Variants in SHROOM3 observed in about 807,000 individuals in gnomAD.
SHROOM3 encodes the protein protein Shroom3.
A neutral mutation model predicts 138.6 loss-of-function variants in SHROOM3; 47 were observed. The observed-to-expected ratio is 0.34, with a 90% CI of 0.27 to 0.43. The LOEUF is 0.43. SHROOM3 is among the 20% of genes least tolerant of loss of function. The pLI is 1.00. For synonymous variants in SHROOM3, 1,062 were observed against 1,063.3 expected (o/e 1.00, Z 0.02); for missense variants, 2,491 against 2,596.5 (o/e 0.96, Z 0.88).
At chr4:76,729,855 T>G (rs1720824199) in intron 3 of SHROOM3, among the ~76,000 whole-genome samples, 1 of 152,234 alleles carries the variant, frequency 6.6e-6, no homozygotes, top group Admixed American at 6.5e-5. Flanking sequence ...GGTGCATTTT[T>G]AGCTACAAGG....
rs114683891 is a variant in SHROOM3, at chr4:76,446,959, A to G, written c.168+10739A>G. 4.2e-3 allele frequency among the ~76,000 whole-genome samples: 642 copies of G among 152,258 alleles called. 5 individuals carry two copies. Among genetic ancestry groups the G allele is most frequent in the African/African-American group, 0.014 (586 of 41,546 alleles). On this transcript the variant is annotated intron_variant, in intron 1 of 10. Transcript: ENST00000296043. Reference sequence around the variant, plus strand: ...TGTCTGCTCTGGTTTCATGATGGTCACTAGCATTCACTTTCCCTGCAAGGC... The same window carrying G: ...TGTCTGCTCTGGTTTCATGATGGTCGCTAGCATTCACTTTCCCTGCAAGGC...
chr4:76,477,214 C>T lies in SHROOM3; in HGVS notation c.168+40994C>T, dbSNP rs562905455. ...GATCTTCTGACCTCGTGATCCACCCCCCACTCGGCCTCCCAAAGTGCTAGG... is the reference window on the plus strand; with the variant it reads ...GATCTTCTGACCTCGTGATCCACCCTCCACTCGGCCTCCCAAAGTGCTAGG... On this transcript the variant is annotated intron_variant, in intron 1 of 10. Transcript: ENST00000296043. 1.7e-3 allele frequency among the ~76,000 whole-genome samples: 261 copies of T among 152,230 alleles called. 4 individuals are homozygous for T. In the East Asian group the frequency reaches 0.042, roughly 24 times the overall value.
chr4:76,445,696 G>A (rs1730791055), intron 1 of SHROOM3, among the ~76,000 whole-genome samples: 1 of 152,244 alleles, frequency 6.6e-6, no homozygotes, highest in South Asian at 2.1e-4. Context: ...CCTTGGACTG[G>A]ATCTAAATGC....
chr4:76,740,372 T>C lies in SHROOM3; in HGVS notation c.2199T>C (p.Ala733=). 1 of 1,613,056 alleles carries C rather than the reference T, an allele frequency of 6.2e-7. No homozygotes were observed. Among genetic ancestry groups the C allele is most frequent in the South Asian group, 1.1e-5 (1 of 91,074 alleles). Residue 733 remains alanine (A), a synonymous_variant, in exon 5 of 11, where the codon GCT becomes GCC. Transcript: ENST00000296043. This position sits in a 1 kb window ranked among gnomAD's most constrained non-coding sequence, Gnocchi z 4.0. ...PRPEGRTGAS[A]SFNSTDPSPE... ...CCGAGGGGAGGACCGGTGCCTCGGCTTCTTTCAACAGCACAGACCCAAGTC... is the reference window on the plus strand; with the variant it reads ...CCGAGGGGAGGACCGGTGCCTCGGCCTCTTTCAACAGCACAGACCCAAGTC...
At chr4:76,742,740 T>TC (rs1258093554) in intron 5 of SHROOM3, among the ~76,000 whole-genome samples, 1 of 152,174 alleles carries the variant, frequency 6.6e-6, no homozygotes, top group African/African-American at 2.4e-5. Flanking sequence ...AGGCTTCACT[T>TC]CCACTGTAGA....
At chr4:76,464,406 A>T (rs1731207668) in intron 1 of SHROOM3, among the ~76,000 whole-genome samples, 1 of 148,144 alleles carries the variant, frequency 6.8e-6, no homozygotes, top group East Asian at 2.0e-4. Flanking sequence ...GAAGTAACTA[A>T]TTTTTTTTTT....
chr4:76,736,082 T>C (rs1340055455), intron 4 of SHROOM3, among the ~76,000 whole-genome samples: 1 of 151,152 alleles, frequency 6.6e-6, no homozygotes, highest in Non-Finnish European at 1.5e-5. Flanking sequence ...ATAGAAATGG[T>C]GAATGAAACG....
chr4:76,671,568 TA>T, intron 2 of SHROOM3, among the ~76,000 whole-genome samples: 1 of 152,366 alleles, frequency 6.6e-6, no homozygotes, highest in East Asian at 1.9e-4. Context: ...AACTCCCATT[TA>T]ATCTCTATAT....
chr4:76,618,165 G>T (rs543198915), intron 2 of SHROOM3, among the ~76,000 whole-genome samples: 1 of 152,166 alleles, frequency 6.6e-6, no homozygotes, highest in African/African-American at 2.4e-5. Context: ...TTAGCTGGGC[G>T]TGGTGGCATG....
At chr4:76,638,086 A>T (rs529920760) in intron 2 of SHROOM3, among the ~76,000 whole-genome samples, 89 of 152,228 alleles carry the variant, frequency 5.8e-4, no homozygotes, top group Non-Finnish European at 1.2e-3. Context: ...CTTTTGCCAA[A>T]CCTGTTAGAT....
At chr4:76,726,410 G>T (rs1440393425) in intron 3 of SHROOM3, among the ~76,000 whole-genome samples, 1 of 151,660 alleles carries the variant, frequency 6.6e-6, no homozygotes, top group Non-Finnish European at 1.5e-5. Context: ...ATTTCTATAT[G>T]CAGCCCAGCC....
chr4:76,673,666 G>C (rs1029657287), intron 2 of SHROOM3, among the ~76,000 whole-genome samples: 7 of 151,908 alleles, frequency 4.6e-5, no homozygotes, highest in African/African-American at 1.7e-4. Flanking sequence ...CTGTGTTTTT[G>C]TTAAAAAAAA....
chr4:76,750,332 A>G (rs1306055758), intron 6 of SHROOM3, among the ~76,000 whole-genome samples: 1 of 152,066 alleles, frequency 6.6e-6, no homozygotes, highest in Non-Finnish European at 1.5e-5. Flanking sequence ...GGGCAAAGGT[A>G]AAAAAAAGAA....
intron 1 of SHROOM3, among the ~76,000 whole-genome samples, chr4:76,439,307 G>A (rs1730622318): frequency 6.6e-6 from 1 of 152,114 alleles, no homozygotes; most frequent in African/African-American, 2.4e-5. Context: ...GACCTACCAG[G>A]ATAATCCTGG....
At chr4:76,765,127 A>AC (rs1722109355) in intron 9 of SHROOM3, among the ~76,000 whole-genome samples, 1 of 146,782 alleles carries the variant, frequency 6.8e-6, no homozygotes, top group African/African-American at 2.5e-5. Context: ...TTTTTTTTTA[A>AC]TTTCAAATAT....
At chr4:76,618,885 A>T (rs2110065098) in intron 2 of SHROOM3, among the ~76,000 whole-genome samples, 1 of 151,856 alleles carries the variant, frequency 6.6e-6, no homozygotes, top group South Asian at 2.1e-4. Flanking sequence ...TTTTTAGTTG[A>T]TTTTTTCTTG....
At chr4:76,570,495 G>A (rs140708853) in intron 2 of SHROOM3, among the ~76,000 whole-genome samples, 196 of 152,172 alleles carry the variant, frequency 1.3e-3, no homozygotes, top group African/African-American at 4.3e-3. Flanking sequence ...GCCATTCCTC[G>A]TCACCTTTCC....
At chr4:76,748,531 C>T (rs1721517072) in intron 5 of SHROOM3, among the ~76,000 whole-genome samples, 1 of 152,190 alleles carries the variant, frequency 6.6e-6, no homozygotes, top group Admixed American at 6.5e-5. Context: ...GAATTTATTG[C>T]ACCCGATTAC....
chr4:76,657,962 G>C (rs1166016325), intron 2 of SHROOM3, among the ~76,000 whole-genome samples: 2 of 152,182 alleles, frequency 1.3e-5, no homozygotes, highest in African/African-American at 4.8e-5. Flanking sequence ...CGTTCATTGG[G>C]CTGTTGGGAA....
Sources: gnomAD v4.1 joint callset for allele counts (sites outside exome capture counted in the v4.1 genomes callset) on GRCh38, gnomAD v4.1.1 for gene constraint, Gnocchi (gnomAD v3.1) non-coding constraint, MANE v1.5 for transcripts, NCBI Gene and HGNC (gene_info 2026-07-23, HGNC 2026-07-21) for gene names.